Variants in POMZP3 observed in about 807,000 individuals in gnomAD.
The protein encoded by POMZP3 is POM121 and ZP3 fusion.
POMZP3 carries 10 observed loss-of-function variants against 19.8 expected under a neutral mutation model. That is an observed-to-expected ratio of 0.51 (90% CI 0.31 to 0.86). POMZP3 has a LOEUF of 0.86. Among genes scored for constraint, POMZP3 ranks in the 40% least tolerant of loss-of-function variants. The pLI is 0.04. For missense variants in POMZP3, 152 were observed against 228.1 expected, an observed-to-expected ratio of 0.67 and a Z score of 2.15; for synonymous variants, 57 against 85.8, an observed-to-expected ratio of 0.66 and a Z score of 1.85.
At position 76,626,122 on chromosome 7, in the gene POMZP3, G is replaced by C; in HGVS notation, c.-58C>G. The C allele has an allele frequency of 6.2e-7, 1 of 1,613,090 alleles. No homozygotes were observed. Among genetic ancestry groups the C allele is most frequent in the South Asian group, 1.1e-5 (1 of 90,956 alleles). On this transcript the variant is annotated 5_prime_UTR_variant, in exon 2 of 7. Coordinates refer to ENST00000310842, the MANE Select transcript of POMZP3 (RefSeq NM_012230.5). ...TGTGATAACCATTCCAGCACACTGT[G>C]GGAAGTACCCCCGGACAGGAATACT...
At chr7:76,619,610 T>C (rs1207866302) in intron 3 of POMZP3, among the ~76,000 whole-genome samples, 1 of 148,686 alleles carries the variant, frequency 6.7e-6, no homozygotes. Flanking sequence ...TTTTTGGAAC[T>C]CCTCAAAGGC....
At position 76,626,246 on chromosome 7, in the gene POMZP3, C is replaced by T. The variant is rs576038215; in HGVS notation, c.-151-31G>A. The T allele has an allele frequency of 1.3e-5, 20 of 1,515,932 alleles. No homozygotes were observed. The South Asian group carries it at 2.3e-4, about 17-fold the overall frequency. 93.9% of individuals were successfully genotyped at this position (1,515,932 alleles called of 1,614,324 possible). ...GAGAATGCGAGACAAATCATGGAAA[C>T]AAAGTATAAAAGAATGTCAAAATTT... On this transcript the variant is annotated intron_variant, in intron 1 of 6. Transcript: ENST00000310842.
At chr7:76,621,814 C>T (rs960441409) in intron 3 of POMZP3, among the ~76,000 whole-genome samples, 1 of 150,446 alleles carries the variant, frequency 6.6e-6, no homozygotes, top group Non-Finnish European at 1.5e-5. Flanking sequence ...GTGGCGGGCA[C>T]CTGCAGTCCC....
At position 76,620,366 on chromosome 7, in the gene POMZP3, G is replaced by C. The variant is rs1307512137; in HGVS notation, c.228-2066C>G. 2.7e-5 allele frequency among the ~76,000 whole-genome samples: 3 copies of C among 109,282 alleles called. No homozygotes were observed. The East Asian group carries it at 7.2e-4, about 26-fold the overall frequency. 71.7% of individuals were successfully genotyped at this position (109,282 alleles called of 152,430 possible). A position where few individuals can be genotyped will look rare whatever the true frequency, so the allele number is the denominator to read the frequency against. On this transcript the variant is annotated intron_variant, in intron 3 of 6. Coordinates refer to ENST00000310842, the MANE Select transcript of POMZP3 (RefSeq NM_012230.5). ...AAAAAAAGGACAACACGTGGGGGTG[G>C]GGTATGGGGTAGAGGGTATTTGCAA... is the stretch of plus-strand genomic sequence containing the variant.
rs772643280 is a variant in POMZP3 at position 76,610,272 on chromosome 7, T to A, written c.*12-57A>T. ...TCTTAGTCCCTAACCGGGAACTGGG[T>A]TGGAGGTTTTATTCTGCCTCAGTGG... On this transcript the variant is annotated intron_variant, in intron 6 of 6. Transcript: ENST00000310842. The A allele has an allele frequency of 6.2e-6, 10 of 1,611,750 alleles. 1 individual carries two copies. The East Asian group carries it at 2.2e-4, about 36-fold the overall frequency.
At chr7:76,611,284 G>GC (rs201636512) in intron 6 of POMZP3, among the ~76,000 whole-genome samples, 170 bp downstream of exon 6, 2 of 148,146 alleles carry the variant, frequency 1.4e-5, no homozygotes, top group African/African-American at 4.9e-5. Flanking sequence ...AAGGCTGAGA[G>GC]CCCCCTCCTG....
At chr7:76,623,417 C>G (rs1815683461) in intron 3 of POMZP3, among the ~76,000 whole-genome samples, 1 of 149,104 alleles carries the variant, frequency 6.7e-6, no homozygotes, top group Non-Finnish European at 1.5e-5. Context: ...ACCCAGCATG[C>G]AGTTCTTGTT....
Position 76,610,182 on chromosome 7 carries a change from A to T in POMZP3, c.*45T>A, listed in dbSNP as rs1815020963. ...GTCACCCCTCCTGTCCAGGAAGATCAGTGGCCCCACGGTGACATCTGCTTC... is the reference window on the plus strand; with the variant it reads ...GTCACCCCTCCTGTCCAGGAAGATCTGTGGCCCCACGGTGACATCTGCTTC... On this transcript the variant is annotated 3_prime_UTR_variant, in exon 7 of 7. Transcript: ENST00000310842. 1 of 1,558,940 alleles carries T rather than the reference A, an allele frequency of 6.4e-7. No individual in the cohort carries two copies. The highest frequency in any genetic ancestry group is 1.8e-5 in the Admixed American group (1 of 54,876).
chr7:76,625,178 A>G (rs1815807308), intron 3 of POMZP3, among the ~76,000 whole-genome samples: 2 of 148,982 alleles, frequency 1.3e-5, no homozygotes, highest in South Asian at 4.3e-4. Context: ...GGTTACCCAA[A>G]TAACTGAACA....
chr7:76,625,385 T>G, intron 3 of POMZP3, 137 bp downstream of exon 3: 1 of 1,422,196 alleles, frequency 7.0e-7, no homozygotes, highest in Non-Finnish European at 9.7e-7. Context: ...ATTAGGTTCT[T>G]TCATGAAAGC....
At chr7:76,616,161 G>A (rs1638147) in intron 4 of POMZP3, among the ~76,000 whole-genome samples, 64,534 of 124,532 alleles carry the variant, frequency 0.52, 17,416 homozygotes, top group Middle Eastern at 0.65. Context: ...GCAGGCGCCT[G>A]CAATCCCAGC....
At chr7:76,620,747 C>T (rs1418901262) in intron 3 of POMZP3, among the ~76,000 whole-genome samples, 15 of 151,688 alleles carry the variant, frequency 9.9e-5, no homozygotes, top group South Asian at 2.1e-4. Flanking sequence ...GGATTACAGG[C>T]GTGAGTCACC....
At chr7:76,617,321 C>T (rs1815320947) in intron 4 of POMZP3, among the ~76,000 whole-genome samples, 2 of 96,474 alleles carry the variant, frequency 2.1e-5, no homozygotes, top group Non-Finnish European at 4.3e-5. Context: ...AGATGTTGGT[C>T]CTGGCACCTG....
intron 3 of POMZP3, among the ~76,000 whole-genome samples, chr7:76,619,523 G>T (rs1380774026): frequency 1.3e-5 from 2 of 151,270 alleles, no homozygotes; most frequent in Non-Finnish European, 2.9e-5. Context: ...GCAGTGGCAG[G>T]AGCAGCGGCA....
chr7:76,619,219 C>T lies in POMZP3; in HGVS notation c.228-919G>A, dbSNP rs570097630. 7.2e-4 allele frequency among the ~76,000 whole-genome samples: 109 copies of T among 152,234 alleles called. No individual in the cohort carries two copies. The East Asian group carries it at 0.016, about 22-fold the overall frequency. On this transcript the variant is annotated intron_variant, in intron 3 of 6. Transcript: ENST00000310842. The stretch of plus-strand genomic sequence containing the variant: ...TTTGGCCAACATGGGGAAACCCCGT[C>T]TCCACTAAAAATACAAAAATTAGCC...
intron 3 of POMZP3, among the ~76,000 whole-genome samples, chr7:76,624,571 G>A (rs1385083780): frequency 6.6e-6 from 1 of 151,084 alleles, no homozygotes; most frequent in African/African-American, 2.4e-5. Context: ...TCAGCCTCTG[G>A]AGTAGCTGGG....
chr7:76,625,975 GTA>G, intron 2 of POMZP3, 23 bp downstream of exon 2: 1 of 1,612,856 alleles, frequency 6.2e-7, no homozygotes, highest in Non-Finnish European at 8.5e-7. Context: ...AAAAGGGAGA[GTA>G]TTCTTCCAAC....
intron 3 of POMZP3, among the ~76,000 whole-genome samples, chr7:76,623,185 G>GTTTT (rs71521144): frequency 1.4e-5 from 2 of 147,414 alleles, no homozygotes; most frequent in Non-Finnish European, 3.0e-5. Flanking sequence ...ATTGATTGTG[G>GTTTT]TTTTTTTTTT....
chr7:76,611,932 C>T, intron 4 of POMZP3, 119 bp from the exon 5 acceptor site: 1 of 1,528,976 alleles, frequency 6.5e-7, no homozygotes, highest in Non-Finnish European at 8.8e-7. Context: ...GGTGCGATGG[C>T]ACACACCTAT....
Sources: gnomAD v4.1 joint callset for allele counts (sites outside exome capture counted in the v4.1 genomes callset) on GRCh38, gnomAD v4.1.1 for gene constraint, MANE v1.5 for transcripts, NCBI Gene and HGNC (gene_info 2026-07-23, HGNC 2026-07-21) for gene names.